Variants in CASP6 observed in about 807,000 individuals in gnomAD.
CASP6 encodes the protein caspase-6.
In CASP6, 20 loss-of-function variants were observed where a neutral mutation model predicts 31.8. The observed-to-expected ratio is 0.63, with a 90% CI of 0.44 to 0.91. The LOEUF (loss-of-function observed/expected upper bound fraction) is 0.91, where lower values mean the gene tolerates loss of function less well. CASP6 is among the 40% of genes least tolerant of loss of function. CASP6 has a pLI of 0.00. For synonymous variants in CASP6, 130 were observed against 127.8 expected, an observed-to-expected ratio of 1.02 and a Z score of -0.12; for missense variants, 328 against 361.1, an observed-to-expected ratio of 0.91 and a Z score of 0.74.
intron 5 of CASP6, among the ~76,000 whole-genome samples, chr4:109,693,252 A>G (rs1276481919): frequency 6.6e-6 from 1 of 152,174 alleles, no homozygotes; most frequent in Non-Finnish European, 1.5e-5. Context: ...GGCCAATCAA[A>G]TCTCTCTTCC....
the CASP6 span, chr4:109,674,049 C>A: frequency 5.9e-5 from 81 of 1,366,056 alleles, no homozygotes; most frequent in Non-Finnish European, 8.3e-5. Context: ...TAGCCCAAGG[C>A]TTTGTTGTAG....
downstream of CASP6, chr4:109,687,489 C>T: frequency 1.3e-6 from 2 of 1,538,162 alleles, no homozygotes; most frequent in African/African-American, 1.4e-5. Context: ...TTTCTGATCA[C>T]ATGCTTTTTC....
chr4:109,701,893 T>C (rs981991683), intron 1 of CASP6, among the ~76,000 whole-genome samples: 1 of 152,064 alleles, frequency 6.6e-6, no homozygotes, highest in Non-Finnish European at 1.5e-5. Context: ...TGTAGGCCCA[T>C]CCCCACGCAG....
chr4:109,665,375 A>G, the CASP6 span, among the ~76,000 whole-genome samples: 1 of 152,194 alleles, frequency 6.6e-6, no homozygotes, highest in African/African-American at 2.4e-5. Flanking sequence ...TCTTGCTTAT[A>G]TCAATTAGCC....
intron 1 of CASP6, among the ~76,000 whole-genome samples, chr4:109,703,057 G>C (rs1561264516): frequency 6.6e-6 from 1 of 152,154 alleles, no homozygotes; most frequent in African/African-American, 2.4e-5. Flanking sequence ...CCCCGAAAGC[G>C]CTCATCGCCC....
downstream of CASP6, among the ~76,000 whole-genome samples, chr4:109,687,326 T>C (rs1225784450): frequency 6.6e-6 from 1 of 152,146 alleles, no homozygotes; most frequent in Non-Finnish European, 1.5e-5. Flanking sequence ...AGCACTGCAC[T>C]CCTGCCTGGG....
chr4:109,683,038 T>G, the CASP6 span: 1 of 226,572 alleles, frequency 4.4e-6, no homozygotes, highest in Non-Finnish European at 8.5e-6. Context: ...AGTCATAATG[T>G]CTCTGTAAAT....
the CASP6 span, among the ~76,000 whole-genome samples, chr4:109,669,424 C>T: frequency 6.6e-6 from 1 of 151,936 alleles, no homozygotes; most frequent in Non-Finnish European, 1.5e-5. Flanking sequence ...TTCCCCCCTT[C>T]CCTGGCTTCT....
upstream of CASP6, chr4:109,703,502 C>CTT: frequency 7.0e-7 from 1 of 1,434,354 alleles, no homozygotes; most frequent in Non-Finnish European, 9.5e-7. Flanking sequence ...GCCCCCTGCC[C>CTT]CCGAGCGTGG....
chr4:109,682,926 A>C, the CASP6 span: 10 of 533,082 alleles, frequency 1.9e-5, no homozygotes, highest in South Asian at 2.3e-4. Flanking sequence ...TGAGCAACAG[A>C]GCTGTATCGC....
chr4:109,694,211 TGCG>T (rs1730166980), intron 5 of CASP6, among the ~76,000 whole-genome samples: 1 of 152,192 alleles, frequency 6.6e-6, no homozygotes, highest in Non-Finnish European at 1.5e-5. Flanking sequence ...GGTTGCCTTG[TGCG>T]GCACTCTTCA....
At chr4:109,681,082 G>A in the CASP6 span, among the ~76,000 whole-genome samples, 1 of 152,168 alleles carries the variant, frequency 6.6e-6, no homozygotes, top group Non-Finnish European at 1.5e-5. Context: ...TAGCTGGGAT[G>A]GACCCCTGTG....
At chr4:109,691,981 C>G (rs1232752340) in intron 5 of CASP6, 3 of 152,178 alleles carry the variant, frequency 2.0e-5, no homozygotes, top group African/African-American at 4.8e-5. Flanking sequence ...TTAAACCACA[C>G]AGTCTGTGGT....
the CASP6 span, chr4:109,674,225 A>G: frequency 8.0e-6 from 6 of 745,368 alleles, no homozygotes; most frequent in East Asian, 1.2e-4. Flanking sequence ...GTATGGGTTT[A>G]GATGGTAACA....
At chr4:109,682,242 C>T in the CASP6 span, among the ~76,000 whole-genome samples, 1 of 152,040 alleles carries the variant, frequency 6.6e-6, no homozygotes, top group Admixed American at 6.5e-5. Context: ...AGGGAGAGGC[C>T]AGAGAGCCTT....
chr4:109,667,662 TCTA>T, the CASP6 span, among the ~76,000 whole-genome samples: 512 of 150,472 alleles, frequency 3.4e-3, 4 homozygotes, highest in African/African-American at 0.012. Context: ...TAATAAATAT[TCTA>T]CTATATTTAT....
At position 109,689,208 on chromosome 4, in the gene CASP6, C is replaced by G; in HGVS notation, c.*122G>C. ...GTTGGTCAGGCTGGTCTCGAACTCCCGACCTCAGGTGATCCGCCCACCTTG... is the reference window on the plus strand; with the variant it reads ...GTTGGTCAGGCTGGTCTCGAACTCCGGACCTCAGGTGATCCGCCCACCTTG... On this transcript the variant is annotated 3_prime_UTR_variant, in exon 7 of 7. Transcript: ENST00000265164. The G allele has an allele frequency of 1.1e-6, 1 of 873,514 alleles. No individual in the cohort carries two copies. Among genetic ancestry groups the G allele is most frequent in the Admixed American group, 2.1e-5 (1 of 47,108 alleles). The allele number at this position is 873,514 out of a possible 1,614,324, so 54.1% of individuals were successfully genotyped here.
chr4:109,674,488 T>C, the CASP6 span, among the ~76,000 whole-genome samples: 1 of 152,238 alleles, frequency 6.6e-6, no homozygotes, highest in East Asian at 1.9e-4. Flanking sequence ...TTGGATGTTG[T>C]ATAAGAGTCC....
intron 5 of CASP6, chr4:109,692,531 TC>T (rs1451963886): frequency 1.3e-5 from 2 of 152,358 alleles, no homozygotes; most frequent in East Asian, 1.9e-4. Flanking sequence ...TGTTGGCCAC[TC>T]CCCTTTTCAC....
Sources: allele counts gnomAD v4.1 joint callset (sites outside exome capture counted in the v4.1 genomes callset), GRCh38; gene constraint gnomAD v4.1.1; transcripts MANE v1.5; gene names NCBI Gene and HGNC (gene_info 2026-07-23, HGNC 2026-07-21).